BTBD18: variants seen among roughly 807,000 people sequenced by gnomAD.
BTBD18 encodes BTB/POZ domain-containing protein 18.
For synonymous variants in BTBD18, 311 were observed against 324.4 expected, an observed-to-expected ratio of 0.96 and a Z score of 0.44; for missense variants, 787 against 846.3, an observed-to-expected ratio of 0.93 and a Z score of 0.87.
intron 1 of BTBD18, 145 bp downstream of exon 1, chr11:57,751,396 A>T: frequency 2.3e-6 from 1 of 436,532 alleles, no homozygotes; most frequent in Non-Finnish European, 4.0e-6. Flanking sequence ...GAAAATTATC[A>T]TAGTGGTTAC....
chr11:57,748,202 A>AT (rs1949233172), intron 2 of BTBD18, among the ~76,000 whole-genome samples: 1 of 152,204 alleles, frequency 6.6e-6, no homozygotes, highest in Non-Finnish European at 1.5e-5. Flanking sequence ...GATTATAGGC[A>AT]TGAGCAACTG....
At chr11:57,750,867 A>C (rs1181546706) in intron 2 of BTBD18, among the ~76,000 whole-genome samples, 198 bp downstream of exon 2, 1 of 152,226 alleles carries the variant, frequency 6.6e-6, no homozygotes, top group African/African-American at 2.4e-5. Flanking sequence ...TTCATTATTT[A>C]AGAGAAAGAA....
chr11:57,748,493 T>C (rs1158726646), intron 2 of BTBD18, among the ~76,000 whole-genome samples: 1 of 150,666 alleles, frequency 6.6e-6, no homozygotes, highest in African/African-American at 2.4e-5. Context: ...GGCGGGAGGA[T>C]CACTTGAGCA....
At position 57,745,787 on chromosome 11, in the gene BTBD18, G is replaced by T; in HGVS notation, c.486C>A (p.His162Gln). The T allele has an allele frequency of 6.4e-7, 1 of 1,551,636 alleles. No individual in the cohort carries two copies. ...ISARVVTPSH[H>Q]PHTPLPTNQT... ...GATTAGTGGGCAGTGGGGTGTGAGG[G>T]TGGTGGCTGGGTGTCACCACTCTGG... Residue 162 changes from histidine (H) to glutamine (Q), a missense_variant, in exon 3 of 3, where the codon CAC becomes CAA. By Grantham distance (24) the His-to-Gln change is conservative. Transcript: ENST00000422652.
chr11:57,746,227 T>C, intron 2 of BTBD18, 79 bp from the exon 3 acceptor site: 1 of 1,085,194 alleles, frequency 9.2e-7, no homozygotes, highest in Non-Finnish European at 1.3e-6. Flanking sequence ...ACTACCCAAA[T>C]GTACTGCCCC....
rs1169370884 is a variant in BTBD18 at position 57,745,273 on chromosome 11, C to T, written c.1000G>A (p.Gly334Arg). The T allele has an allele frequency of 6.4e-7, 1 of 1,551,728 alleles. No homozygotes were observed. The highest frequency in any genetic ancestry group is 1.4e-5 in the African/African-American group (1 of 73,170). Reference protein sequence around the residue: ...PNPSGLGKTGGSRKRSPEVRA... With the variant: ...PNPSGLGKTGRSRKRSPEVRA... Reference sequence around the variant, plus strand: ...ACTTCAGGGCTCCGCTTCCTGCTCCCACCTGTCTTTCCCAGACCAGATGGG... The same window carrying T: ...ACTTCAGGGCTCCGCTTCCTGCTCCTACCTGTCTTTCCCAGACCAGATGGG... The change falls in exon 3 of 3, where the codon GGG (glycine) becomes AGG (arginine). Residue 334 changes from glycine (G) to arginine (R), a missense_variant. Physicochemically the swap from Gly to Arg is moderately radical, Grantham distance 125. Transcript: ENST00000422652.
intron 2 of BTBD18, 109 bp downstream of exon 2, chr11:57,750,956 G>T: frequency 1.1e-6 from 1 of 869,996 alleles, no homozygotes; most frequent in Non-Finnish European, 1.6e-6. Flanking sequence ...AGTTTACAGT[G>T]GTCATAGGCA....
Position 57,744,371 on chromosome 11 carries a change from C to T in BTBD18, c.1902G>A (p.Val634=). 5 of 1,551,686 alleles carry T rather than the reference C, an allele frequency of 3.2e-6. No homozygotes were observed. The highest frequency in any genetic ancestry group is 4.4e-6 in the Non-Finnish European group (5 of 1,146,970). The change falls in exon 3 of 3, where the codon GTG becomes GTA. Residue 634 remains valine (V), a synonymous_variant. Transcript: ENST00000422652. ...TCAAGGAGACTTCCAGCCCAGTCTCCACCCAGTTTGAGCAGGGAGGTGAGA... is the reference window on the plus strand; with the variant it reads ...TCAAGGAGACTTCCAGCCCAGTCTCTACCCAGTTTGAGCAGGGAGGTGAGA... ...GDLSPPCSNW[V]ETGLEVSLTT... is the part of the protein sequence containing the mutation.
At chr11:57,752,297 G>A (rs1248002771), upstream of BTBD18, among the ~76,000 whole-genome samples, 1 of 152,192 alleles carries the variant, frequency 6.6e-6, no homozygotes, top group Non-Finnish European at 1.5e-5. Flanking sequence ...CACTTTGGGA[G>A]GCCGAGGCGG....
At chr11:57,750,194 A>G (rs1949278017) in intron 2 of BTBD18, among the ~76,000 whole-genome samples, 1 of 151,794 alleles carries the variant, frequency 6.6e-6, no homozygotes, top group Non-Finnish European at 1.5e-5. Context: ...TGGCCAACAT[A>G]GTGAAACCCC....
In BTBD18 at chr11:57,743,784, C is replaced by T. The variant is rs1949138458; in HGVS notation, c.*350G>A. The T allele has an allele frequency of 1.0e-5, 2 of 197,408 alleles. No homozygotes were observed. The highest frequency in any genetic ancestry group is 2.1e-5 in the Non-Finnish European group (2 of 96,052). 12.2% of individuals were successfully genotyped at this position (197,408 alleles called of 1,614,324 possible). Reference sequence around the variant, plus strand: ...CCCACCACAGAGGAGGGTGTTCTTTCTCAGCTTTTCCTAAATTACCAGTGA... The same window carrying T: ...CCCACCACAGAGGAGGGTGTTCTTTTTCAGCTTTTCCTAAATTACCAGTGA... On this transcript the variant is annotated 3_prime_UTR_variant, in exon 3 of 3. Transcript: ENST00000422652.
chr11:57,751,368 C>A, intron 1 of BTBD18, 132 bp from the exon 2 acceptor site: 2 of 472,624 alleles, frequency 4.2e-6, no homozygotes, highest in South Asian at 3.6e-5. Flanking sequence ...GAAATTGTGC[C>A]AAGGATATCT....
At position 57,746,140 on chromosome 11, in the gene BTBD18, C is replaced by G; in HGVS notation, c.133G>C (p.Val45Leu). ...GACAGGATGCAGCAGTGAGCTGGAA[C>G]TGCCTCACCTGAAGGGAAACCCAAA... is the stretch of plus-strand genomic sequence containing the variant. ...DVLLQAEGEA[V>L]PAHCCILSAC... Residue 45 changes from valine to leucine, a missense_variant, in exon 3 of 3, where the codon GTT becomes CTT. Physicochemically the swap from Val to Leu is conservative, Grantham distance 32. Coordinates refer to ENST00000422652, the MANE Select transcript of BTBD18 (RefSeq NM_001145101.3). 1 of 1,543,200 alleles carries G rather than the reference C, an allele frequency of 6.5e-7. No individual in the cohort carries two copies. Among genetic ancestry groups the G allele is most frequent in the Non-Finnish European group, 8.7e-7 (1 of 1,142,930 alleles).
intron 2 of BTBD18, among the ~76,000 whole-genome samples, chr11:57,747,568 G>A (rs1285004526): frequency 6.6e-6 from 1 of 152,136 alleles, no homozygotes; most frequent in African/African-American, 2.4e-5. Flanking sequence ...AGGCTGGAGT[G>A]CAATGGTGCG....
At position 57,744,057 on chromosome 11, in the gene BTBD18, G is replaced by A; in HGVS notation, c.*77C>T. On this transcript the variant is annotated 3_prime_UTR_variant, in exon 3 of 3. Transcript: ENST00000422652. ...CCTCTTGTGCTGAGGGCACGTGCCA[G>A]CTTCTCTGCCAGTAAGCCTTTTGCT... 5.3e-6 allele frequency: 6 copies of A among 1,133,572 alleles called. No homozygotes were observed. Among genetic ancestry groups the A allele is most frequent in the Middle Eastern group, 2.9e-4 (1 of 3,420 alleles). 70.2% of individuals were successfully genotyped at this position (1,133,572 alleles called of 1,614,324 possible).
At chr11:57,747,834 C>G (rs1184162369) in intron 2 of BTBD18, among the ~76,000 whole-genome samples, 1 of 152,098 alleles carries the variant, frequency 6.6e-6, no homozygotes, top group Non-Finnish European at 1.5e-5. Context: ...GGGTCTTGCT[C>G]TGCCAACCAG....
At position 57,744,492 on chromosome 11, in the gene BTBD18, T is replaced by G. The variant is rs1590992312; in HGVS notation, c.1781A>C (p.Asp594Ala). ...TGGCTGGGAGCTGGTAATTTCAAGGTCTGGTGTCCAACGGCCTCCTACTGA... is the reference window on the plus strand; with the variant it reads ...TGGCTGGGAGCTGGTAATTTCAAGGGCTGGTGTCCAACGGCCTCCTACTGA... Reference protein sequence around the residue: ...VLSVGGRWTPDLEITSSQPLD... With the variant: ...VLSVGGRWTPALEITSSQPLD... The change falls in exon 3 of 3, where the codon GAC (aspartate) becomes GCC (alanine). Residue 594 changes from aspartate (D) to alanine (A), a missense_variant. Transcript: ENST00000422652. 1 of 1,551,610 alleles carries G rather than the reference T, an allele frequency of 6.4e-7. No individual in the cohort carries two copies. Among genetic ancestry groups the G allele is most frequent in the Non-Finnish European group, 8.7e-7 (1 of 1,146,970 alleles).
Position 57,751,101 on chromosome 11 carries a change from T to TCTG in BTBD18, c.85_87dup (p.Gln29dup), listed in dbSNP as rs1171348185. ...AGAAGGACATCACAGAACACATCACTCTGCTGCTGGTGATGAAGCTGCAGA... is the reference window on the plus strand; with the variant it reads ...AGAAGGACATCACAGAACACATCACTCTGCTGCTGCTGGTGATGAAGCTGCAGA... On this transcript the variant is annotated inframe_insertion, in exon 2 of 3. Coordinates refer to ENST00000422652, the MANE Select transcript of BTBD18 (RefSeq NM_001145101.3). 152 of 1,550,374 alleles carry TCTG rather than the reference T, an allele frequency of 9.8e-5. No individual in the cohort carries two copies. Among genetic ancestry groups the TCTG allele is most frequent in the Non-Finnish European group, 1.1e-4 (128 of 1,146,562 alleles).
In BTBD18 at chr11:57,751,255, A is replaced by G. The variant is rs2135703932; in HGVS notation, c.-48-19T>C. The G allele has an allele frequency of 7.9e-7, 1 of 1,265,828 alleles. No homozygotes were observed. Among genetic ancestry groups the G allele is most frequent in the Non-Finnish European group, 1.0e-6 (1 of 963,686 alleles). 78.4% of individuals were successfully genotyped at this position (1,265,828 alleles called of 1,614,324 possible). On this transcript the variant is annotated intron_variant, in intron 1 of 2. Transcript: ENST00000422652. ...CAGACTCCTGTAGGTGAGATAATACATTTCAGAGGCATGGTTACATCTAAT... is the reference window on the plus strand; with the variant it reads ...CAGACTCCTGTAGGTGAGATAATACGTTTCAGAGGCATGGTTACATCTAAT...
Sources: allele counts gnomAD v4.1 joint callset (sites outside exome capture counted in the v4.1 genomes callset), GRCh38; gene constraint gnomAD v4.1.1; transcripts MANE v1.5; gene names NCBI Gene and HGNC (gene_info 2026-07-23, HGNC 2026-07-21).